The following GAS2 variants were observed in gnomAD, a reference collection of about 807,000 sequenced individuals.
The protein encoded by GAS2 is growth arrest-specific protein 2.
In GAS2, 20 loss-of-function variants were observed where a neutral mutation model predicts 37.5. The ratio of observed to expected loss-of-function variants is 0.53; its 90% CI spans 0.37 to 0.77. GAS2 has a LOEUF of 0.77. Among genes scored for constraint, GAS2 ranks in the 30% least tolerant of loss-of-function variants. GAS2 has a pLI of 0.00. For synonymous variants in GAS2, 144 were observed against 132.2 expected (o/e 1.09, Z -0.61); for missense variants, 336 against 373.4 (o/e 0.90, Z 0.82).
chr11:22,633,158 C>G (rs1858767869), intron 1 of GAS2, among the ~76,000 whole-genome samples: 1 of 151,938 alleles, frequency 6.6e-6, no homozygotes. Flanking sequence ...AGTTGTTTTT[C>G]TGATTTCTTC....
intron 1 of GAS2, among the ~76,000 whole-genome samples, chr11:22,641,324 T>TTATATA (rs1386609170): frequency 1.1e-5 from 1 of 93,052 alleles, no homozygotes; most frequent in Non-Finnish European, 2.7e-5. Flanking sequence ...TTATATATCT[T>TTATATA]TATATATATA....
Position 22,752,236 on chromosome 11 carries a change from G to C in GAS2, c.615+2975G>C, listed in dbSNP as rs1275638231. Reference sequence around the variant, plus strand: ...AAGGCTCTAGTGAGTTCCATAATAAGATCTTGTTTAACCTGGAATCTTCTA... The same window carrying C: ...AAGGCTCTAGTGAGTTCCATAATAACATCTTGTTTAACCTGGAATCTTCTA... On this transcript the variant is annotated intron_variant, in intron 6 of 7. Transcript: ENST00000454584. 2.0e-5 allele frequency among the ~76,000 whole-genome samples: 3 copies of C among 151,926 alleles called. No individual in the cohort carries two copies. The East Asian group carries it at 5.8e-4, about 29-fold the overall frequency.
At chr11:22,762,193 A>G (rs1439588768) in intron 7 of GAS2, among the ~76,000 whole-genome samples, 2 of 152,164 alleles carry the variant, frequency 1.3e-5, no homozygotes, top group Non-Finnish European at 2.9e-5. Context: ...GGAATATTTA[A>G]TTTGTTTTCA....
chr11:22,741,597 C>T (rs146100450), intron 5 of GAS2, among the ~76,000 whole-genome samples: 2,116 of 151,950 alleles, frequency 0.014, 55 homozygotes, highest in African/African-American at 0.048. Flanking sequence ...AAAATACTTT[C>T]GGAACATTTT....
intron 1 of GAS2, among the ~76,000 whole-genome samples, chr11:22,670,238 G>C (rs1296638653): frequency 6.6e-6 from 1 of 152,132 alleles, no homozygotes; most frequent in African/African-American, 2.4e-5. Context: ...ATTACCTTTA[G>C]GGAGGAGACC....
intron 3 of GAS2, among the ~76,000 whole-genome samples, chr11:22,703,511 A>G (rs58813021): frequency 0.035 from 5,354 of 152,274 alleles, 294 homozygotes; most frequent in African/African-American, 0.12. Flanking sequence ...TCTTAAAGGG[A>G]AACATTCATA....
chr11:22,742,194 T>C (rs1853127952), intron 5 of GAS2, among the ~76,000 whole-genome samples: 1 of 152,122 alleles, frequency 6.6e-6, no homozygotes, highest in African/African-American at 2.4e-5. Flanking sequence ...TATAAAGGTA[T>C]GAGGATATGA....
chr11:22,805,936 C>G (rs1448078557), intron 7 of GAS2, among the ~76,000 whole-genome samples: 3 of 152,060 alleles, frequency 2.0e-5, no homozygotes, highest in Non-Finnish European at 4.4e-5. Context: ...TCACTCTCAT[C>G]GCCAGCTTGG....
intron 1 of GAS2, among the ~76,000 whole-genome samples, chr11:22,643,283 A>T (rs1467303868): frequency 6.6e-6 from 1 of 152,118 alleles, no homozygotes; most frequent in African/African-American, 2.4e-5. Context: ...GCAAGAAATT[A>T]TCCTCTTCCT....
At chr11:22,712,539 C>G (rs932792210) in intron 3 of GAS2, among the ~76,000 whole-genome samples, 5 of 152,194 alleles carry the variant, frequency 3.3e-5, no homozygotes, top group African/African-American at 1.2e-4. Flanking sequence ...TGGGACAAAA[C>G]AATCTGAACA....
chr11:22,694,953 T>C (rs867212766), intron 3 of GAS2, among the ~76,000 whole-genome samples: 6 of 152,154 alleles, frequency 3.9e-5, no homozygotes, highest in African/African-American at 1.4e-4. Context: ...TACTATGGGA[T>C]GTATCTAAAT....
intron 7 of GAS2, among the ~76,000 whole-genome samples, chr11:22,791,752 C>T (rs1437492824): frequency 1.3e-5 from 2 of 152,110 alleles, no homozygotes; most frequent in Non-Finnish European, 2.9e-5. Flanking sequence ...CTTTGCCTCC[C>T]TACACATATA....
At chr11:22,763,366 A>G (rs1854499235) in intron 7 of GAS2, among the ~76,000 whole-genome samples, 1 of 152,180 alleles carries the variant, frequency 6.6e-6, no homozygotes, top group Non-Finnish European at 1.5e-5. Context: ...GGAAAGGTCC[A>G]TGATAGTGGG....
chr11:22,769,373 A>G (rs993110821), intron 7 of GAS2, among the ~76,000 whole-genome samples: 7 of 152,238 alleles, frequency 4.6e-5, no homozygotes, highest in South Asian at 4.1e-4. Context: ...AACATCTTGT[A>G]ACAAAAATAA....
intron 7 of GAS2, among the ~76,000 whole-genome samples, chr11:22,795,146 G>A (rs1254006521): frequency 1.3e-5 from 2 of 152,092 alleles, no homozygotes; most frequent in Admixed American, 6.6e-5. Context: ...TATTCCATTT[G>A]AACTTCAGAC....
In GAS2 at chr11:22,812,034, A is replaced by T; in HGVS notation, c.*18A>T. On this transcript the variant is annotated 3_prime_UTR_variant, in exon 8 of 8. Coordinates refer to ENST00000454584, the MANE Select transcript of GAS2 (RefSeq NM_001143830.3). Reference sequence around the variant, plus strand: ...TTAAGTGAAACAAATTGGTCATGACAAGGGGACCCTCATAATGGCCTGTAT... The same window carrying T: ...TTAAGTGAAACAAATTGGTCATGACTAGGGGACCCTCATAATGGCCTGTAT... 6.3e-7 allele frequency: 1 copy of T among 1,582,512 alleles called. No individual in the cohort carries two copies. Among genetic ancestry groups the T allele is most frequent in the Non-Finnish European group, 8.7e-7 (1 of 1,151,306 alleles).
chr11:22,682,126 T>C (rs540733495), intron 2 of GAS2, among the ~76,000 whole-genome samples: 36 of 152,172 alleles, frequency 2.4e-4, no homozygotes, highest in African/African-American at 8.2e-4. Context: ...CTATAAAATA[T>C]ACAGAATTGA....
intron 7 of GAS2, among the ~76,000 whole-genome samples, chr11:22,779,423 C>T (rs1054641533): frequency 5.9e-5 from 9 of 152,098 alleles, no homozygotes; most frequent in South Asian, 2.1e-4. Flanking sequence ...CTCAGCTGGG[C>T]GTGGTGGCTC....
chr11:22,775,514 T>C (rs914076388), intron 7 of GAS2, among the ~76,000 whole-genome samples: 4 of 152,200 alleles, frequency 2.6e-5, no homozygotes, highest in African/African-American at 9.7e-5. Context: ...TGGTCGGGTT[T>C]CAAAATGTCA....
Sources: allele counts gnomAD v4.1 joint callset (sites outside exome capture counted in the v4.1 genomes callset), GRCh38; gene constraint gnomAD v4.1.1; transcripts MANE v1.5; gene names NCBI Gene and HGNC (gene_info 2026-07-23, HGNC 2026-07-21).